The following FMN2 variants were observed in gnomAD, a reference collection of about 807,000 sequenced individuals.
FMN2 encodes the protein formin-2.
FMN2 carries 51 observed loss-of-function variants against 142.3 expected under a neutral mutation model. That is an observed-to-expected ratio of 0.36 (90% confidence interval 0.29 to 0.45). FMN2 has a LOEUF of 0.45. Ranked by LOEUF, FMN2 falls within the 20% of genes least tolerant of loss-of-function variation. FMN2 has a pLI of 1.00. For synonymous variants in FMN2, 882 were observed against 869.8 expected (o/e 1.01, Z -0.25); for missense variants, 1,936 against 2,122.8 (o/e 0.91, Z 1.73).
intron 6 of FMN2, among the ~76,000 whole-genome samples, chr1:240,212,616 T>G (rs1468856284): frequency 6.6e-6 from 1 of 152,206 alleles, no homozygotes; most frequent in East Asian, 1.9e-4. Flanking sequence ...TAATAATCAG[T>G]AAGTCCAGGG....
At chr1:240,441,948 A>C (rs1356485543) in intron 16 of FMN2, among the ~76,000 whole-genome samples, 1 of 148,764 alleles carries the variant, frequency 6.7e-6, no homozygotes, top group Non-Finnish European at 1.5e-5. Flanking sequence ...AGAGAGAGAC[A>C]GAGAGAGAGA....
chr1:240,363,119 G>C (rs1672548480), intron 14 of FMN2, among the ~76,000 whole-genome samples: 2 of 152,228 alleles, frequency 1.3e-5, no homozygotes, highest in Admixed American at 1.3e-4. Context: ...CTGTGCCAAA[G>C]ACTGAAGAGC....
intron 8 of FMN2, among the ~76,000 whole-genome samples, chr1:240,311,620 ATTTC>A (rs1670608354): frequency 1.3e-5 from 2 of 152,184 alleles, no homozygotes; most frequent in Admixed American, 1.3e-4. Context: ...CAGAAATTAT[ATTTC>A]TTTCTTGTTA....
In FMN2 at chr1:240,208,513, C is replaced by T. The variant is rs780415159; in HGVS notation, c.3701C>T (p.Pro1234Leu). The T allele has an allele frequency of 6.8e-6, 11 of 1,612,314 alleles. No individual in the cohort carries two copies. The highest frequency in any genetic ancestry group is 2.2e-5 in the South Asian group (2 of 90,952). The part of the protein sequence containing the change: ...PLPPPGTGIP[P>L]PPLLPVSGPP... ...CCTCCACCTGGGACAGGAATCCCAC[C>T]GCCCCCTCTGCTTCCTGTATCAGGC... The change falls in exon 5 of 18, where the codon CCG (proline) becomes CTG (leucine). Residue 1234 changes from proline (P) to leucine (L), a missense_variant. Around this residue, in one of 8 missense-constraint regions of FMN2, gnomAD observed 259 missense variants for 230.9 expected, o/e 1.12. Coordinates refer to ENST00000319653, the MANE Select transcript of FMN2 (RefSeq NM_020066.5).
At chr1:240,126,360 AC>A (rs1662505081) in intron 2 of FMN2, among the ~76,000 whole-genome samples, 1 of 147,376 alleles carries the variant, frequency 6.8e-6, no homozygotes, top group Non-Finnish European at 1.5e-5. Flanking sequence ...TACCCTTCCT[AC>A]CTACCCCCCC....
At chr1:240,144,245 C>T (rs878967861) in intron 2 of FMN2, 9 of 1,586,326 alleles carry the variant, frequency 5.7e-6, no homozygotes, top group South Asian at 1.1e-5. Flanking sequence ...CACAAAGCCA[C>T]TCACAAAAGA....
At chr1:240,238,730 C>T (rs908347046) in intron 6 of FMN2, among the ~76,000 whole-genome samples, 2 of 152,056 alleles carry the variant, frequency 1.3e-5, no homozygotes, top group African/African-American at 4.8e-5. Context: ...ACCCTAGGAC[C>T]CAGTAGTCAT....
chr1:240,093,315 G>A lies in FMN2; in HGVS notation c.1206G>A (p.Ala402=), dbSNP rs1661073847. The A allele has an allele frequency of 6.2e-7, 1 of 1,609,496 alleles. No individual in the cohort carries two copies. Among genetic ancestry groups the A allele is most frequent in the African/African-American group, 1.3e-5 (1 of 74,314 alleles). The change falls in exon 1 of 18, where the codon GCG becomes GCA. Residue 402 remains alanine (A), a synonymous_variant. Coordinates refer to ENST00000319653, the MANE Select transcript of FMN2 (RefSeq NM_020066.5). ...CCGCTTCCCTGCCCGGCAGCCCCGC[G>A]CCTAGCCAGCGCTGTTTCAAGCCCT... is the stretch of plus-strand genomic sequence containing the variant. ...PAAASLPGSP[A]PSQRCFKPYP... is the part of the protein sequence containing the mutation.
At chr1:240,170,415 G>A (rs145432374) in intron 2 of FMN2, 2 of 1,253,590 alleles carry the variant, frequency 1.6e-6, no homozygotes, top group South Asian at 2.4e-5. Context: ...GAGTTGCTAA[G>A]CTGAAGGCGG....
rs1356463528 is a variant in FMN2 at position 240,474,881 on chromosome 1, GC to G, written c.*728del. ...TGCTCTTGCAAACCAATTATGGAAA[GC>G]AACTTAAGAAAACCAATGTTCTAAA... On this transcript the variant is annotated 3_prime_UTR_variant, in exon 18 of 18. Coordinates refer to ENST00000319653, the MANE Select transcript of FMN2 (RefSeq NM_020066.5). 6.6e-6 allele frequency: 1 copy of G among 152,592 alleles called. No homozygotes were observed. The highest frequency in any genetic ancestry group is 2.4e-5 in the African/African-American group (1 of 41,440). The allele number at this position is 152,592 out of a possible 1,614,324, so 9.5% of individuals were successfully genotyped here. A position where few individuals can be genotyped will look rare whatever the true frequency, so the allele number is the denominator to read the frequency against.
intron 14 of FMN2, among the ~76,000 whole-genome samples, chr1:240,369,465 A>G (rs1672791220): frequency 6.6e-6 from 1 of 152,032 alleles, no homozygotes; most frequent in Non-Finnish European, 1.5e-5. Flanking sequence ...GTCTTGGCTC[A>G]CTATTCCTTC....
intron 6 of FMN2, among the ~76,000 whole-genome samples, chr1:240,218,471 G>A (rs557036402): frequency 6.6e-6 from 1 of 152,052 alleles, no homozygotes; most frequent in South Asian, 2.1e-4. Context: ...CCTACAAGGT[G>A]GGCTGTTGTG....
chr1:240,424,752 G>A (rs114987512), intron 15 of FMN2, among the ~76,000 whole-genome samples: 89 of 152,166 alleles, frequency 5.8e-4, no homozygotes, highest in African/African-American at 2.1e-3. Flanking sequence ...AAGTTATGTC[G>A]ACAAAGCTCC....
intron 8 of FMN2, among the ~76,000 whole-genome samples, chr1:240,320,629 G>A (rs768501905): frequency 1.1e-4 from 16 of 152,158 alleles, no homozygotes; most frequent in Non-Finnish European, 1.8e-4. Flanking sequence ...ACCAATTTAG[G>A]ACGACAGTGA....
At position 240,095,246 on chromosome 1, in the gene FMN2, G is replaced by A. The variant is rs922845186; in HGVS notation, c.1615+1522G>A. On this transcript the variant is annotated intron_variant, in intron 1 of 17. Coordinates refer to ENST00000319653, the MANE Select transcript of FMN2 (RefSeq NM_020066.5). ...TTCACGTATATAGTTTTTGAAAAGT[G>A]AAAATAATTCACCATAATGATTATC... Among the ~76,000 whole-genome samples, 3 of 152,102 alleles carry A rather than the reference G, an allele frequency of 2.0e-5. No individual in the cohort carries two copies. In the East Asian group the frequency reaches 5.8e-4, roughly 29 times the overall value.
chr1:240,407,166 C>G (rs1674236168), intron 15 of FMN2, among the ~76,000 whole-genome samples: 1 of 150,030 alleles, frequency 6.7e-6, no homozygotes, highest in Non-Finnish European at 1.5e-5. Context: ...AAGACCAAGT[C>G]TCGCTCTGTA....
At chr1:240,242,734 G>T (rs952045720) in intron 6 of FMN2, among the ~76,000 whole-genome samples, 2 of 152,140 alleles carry the variant, frequency 1.3e-5, no homozygotes, top group African/African-American at 4.8e-5. Context: ...CCAAAGGCAG[G>T]ACAAACAAAG....
chr1:240,448,520 G>GA (rs1296079222), intron 16 of FMN2, among the ~76,000 whole-genome samples: 3 of 151,882 alleles, frequency 2.0e-5, no homozygotes, highest in African/African-American at 4.8e-5. Flanking sequence ...TAAATACTTA[G>GA]AAAAAAAGAA....
chr1:240,102,055 A>G (rs1290169868), intron 1 of FMN2, among the ~76,000 whole-genome samples: 1 of 152,092 alleles, frequency 6.6e-6, no homozygotes, highest in Admixed American at 6.6e-5. Flanking sequence ...TCTTACTTCA[A>G]TATACTTTAA....
Sources: allele counts gnomAD v4.1 joint callset (sites outside exome capture counted in the v4.1 genomes callset), GRCh38; gene constraint gnomAD v4.1.1; regional missense constraint gnomAD v4.1.1; transcripts MANE v1.5; gene names NCBI Gene and HGNC (gene_info 2026-07-23, HGNC 2026-07-21).